NKAIN2: variants seen among roughly 807,000 people sequenced by gnomAD.
NKAIN2 encodes sodium/potassium transporting ATPase interacting 2.
In NKAIN2, 14 loss-of-function variants were observed where a neutral mutation model predicts 32.6. That is an observed-to-expected ratio of 0.43 (90% CI 0.28 to 0.67). NKAIN2 has a LOEUF of 0.67. Among genes scored for constraint, NKAIN2 ranks in the 30% least tolerant of loss-of-function variants. NKAIN2 has a pLI of 0.17. For missense variants in NKAIN2, 198 were observed against 258.3 expected (o/e 0.77, Z 1.60); for synonymous variants, 80 against 87.2 (o/e 0.92, Z 0.46).
At chr6:124,688,976 T>G (rs1439304180) in intron 4 of NKAIN2, among the ~76,000 whole-genome samples, 1 of 152,160 alleles carries the variant, frequency 6.6e-6, no homozygotes, top group Non-Finnish European at 1.5e-5. Flanking sequence ...AGTTTTCAAC[T>G]CATTTGAGTA....
At chr6:123,922,266 A>C (rs754852929) in intron 1 of NKAIN2, among the ~76,000 whole-genome samples, 11 of 152,206 alleles carry the variant, frequency 7.2e-5, no homozygotes, top group Non-Finnish European at 1.5e-4. Flanking sequence ...AATGCTATGT[A>C]GCCTCTAAGA....
chr6:123,996,403 G>C (rs1489710467), intron 1 of NKAIN2, among the ~76,000 whole-genome samples: 2 of 95,188 alleles, frequency 2.1e-5, no homozygotes, highest in African/African-American at 4.9e-5. Flanking sequence ...CAAATAACTA[G>C]GTTATTGTCC....
intron 4 of NKAIN2, among the ~76,000 whole-genome samples, chr6:124,669,040 G>A (rs181864479): frequency 1.5e-4 from 23 of 152,186 alleles, no homozygotes; most frequent in East Asian, 1.2e-3. Context: ...CCCACATCCC[G>A]GCAGTAGTAT....
At chr6:124,358,484 G>A (rs199683245) in intron 3 of NKAIN2, among the ~76,000 whole-genome samples, 27,926 of 151,862 alleles carry the variant, frequency 0.18, 2,985 homozygotes, top group Admixed American at 0.28. Flanking sequence ...GGTGTGAGAT[G>A]GTATCTCATT....
chr6:124,303,512 A>C (rs1018109869), intron 2 of NKAIN2, among the ~76,000 whole-genome samples: 5 of 152,234 alleles, frequency 3.3e-5, no homozygotes, highest in African/African-American at 1.2e-4. Flanking sequence ...CAAAGGCCGT[A>C]ATTTGTGCAA....
intron 4 of NKAIN2, among the ~76,000 whole-genome samples, chr6:124,758,835 T>C (rs2114728648): frequency 6.6e-6 from 1 of 152,272 alleles, no homozygotes; most frequent in South Asian, 2.1e-4. Flanking sequence ...CTACATCACT[T>C]TCTATTCTCT....
intron 1 of NKAIN2, among the ~76,000 whole-genome samples, chr6:124,213,572 A>G (rs942124434): frequency 6.6e-6 from 1 of 152,094 alleles, no homozygotes. Context: ...AGATTGTCAG[A>G]GGGAGAAATC....
chr6:124,375,199 C>G (rs949160360), intron 3 of NKAIN2, among the ~76,000 whole-genome samples: 4 of 151,856 alleles, frequency 2.6e-5, no homozygotes, highest in Admixed American at 6.6e-5. Context: ...ATTATTCTGC[C>G]TAAAACACGT....
chr6:123,895,872 T>C (rs1159614794), intron 1 of NKAIN2, among the ~76,000 whole-genome samples: 4 of 150,848 alleles, frequency 2.7e-5, no homozygotes, highest in Non-Finnish European at 5.9e-5. Context: ...ATAACATTCG[T>C]TCGTCTCCCT....
chr6:124,457,435 C>A (rs1776366025), intron 3 of NKAIN2, among the ~76,000 whole-genome samples: 1 of 151,926 alleles, frequency 6.6e-6, no homozygotes, highest in Admixed American at 6.6e-5. Context: ...ATAAAGATTA[C>A]CTGTGTTGTG....
At chr6:124,557,142 CA>C (rs1780505555) in intron 3 of NKAIN2, among the ~76,000 whole-genome samples, 4 of 152,050 alleles carry the variant, frequency 2.6e-5, no homozygotes. Flanking sequence ...ATAACATTAA[CA>C]TAGGCAAATA....
intron 4 of NKAIN2, among the ~76,000 whole-genome samples, chr6:124,783,983 T>C (rs1312786531): frequency 6.6e-6 from 1 of 152,162 alleles, no homozygotes; most frequent in East Asian, 1.9e-4. Context: ...GGGTAAAAAG[T>C]AGTGTTGCTA....
Position 124,678,780 on chromosome 6 carries a change from G to A in NKAIN2, c.474+20394G>A, listed in dbSNP as rs572796754. 2.7e-3 allele frequency among the ~76,000 whole-genome samples: 410 copies of A among 152,066 alleles called. 5 individuals carry two copies. The highest frequency in any genetic ancestry group is 9.1e-3 in the African/African-American group (376 of 41,484). ...TTCATGTGCCTTGTAACTTTTGTTCGGATTCACACATTTGTCAAAGTAGCC... is the reference window on the plus strand; with the variant it reads ...TTCATGTGCCTTGTAACTTTTGTTCAGATTCACACATTTGTCAAAGTAGCC... On this transcript the variant is annotated intron_variant, in intron 4 of 6. Transcript: ENST00000368417.
At chr6:124,703,015 C>A (rs1368651548) in intron 4 of NKAIN2, among the ~76,000 whole-genome samples, 4 of 151,970 alleles carry the variant, frequency 2.6e-5, no homozygotes, top group African/African-American at 9.7e-5. Flanking sequence ...AGCTCATGTG[C>A]TGGATAGAGT....
At chr6:123,810,029 A>G (rs1248746857) in intron 1 of NKAIN2, among the ~76,000 whole-genome samples, 2 of 152,294 alleles carry the variant, frequency 1.3e-5, no homozygotes, top group Middle Eastern at 3.4e-3. Flanking sequence ...AATAATAATG[A>G]AAACTATTAT....
intron 3 of NKAIN2, among the ~76,000 whole-genome samples, chr6:124,463,173 T>C (rs1776602188): frequency 6.6e-6 from 1 of 152,116 alleles, no homozygotes; most frequent in East Asian, 1.9e-4. Context: ...TGTATGTGTG[T>C]GTGTTCCATT....
intron 4 of NKAIN2, among the ~76,000 whole-genome samples, chr6:124,716,207 TA>T (rs1294397115): frequency 6.6e-6 from 1 of 152,230 alleles, no homozygotes; most frequent in Non-Finnish European, 1.5e-5. Flanking sequence ...TTTTAGATAA[TA>T]GACATTCCTC....
At chr6:124,632,764 G>A (rs998066665) in intron 3 of NKAIN2, among the ~76,000 whole-genome samples, 3 of 152,156 alleles carry the variant, frequency 2.0e-5, no homozygotes, top group African/African-American at 7.2e-5. Context: ...CAAATTCTAA[G>A]CAGTATTGAT....
intron 1 of NKAIN2, among the ~76,000 whole-genome samples, chr6:124,065,111 G>A (rs1246155815): frequency 6.6e-6 from 1 of 152,004 alleles, no homozygotes; most frequent in Non-Finnish European, 1.5e-5. Context: ...GTAACACAAA[G>A]TACAGCCTCT....
Sources: gnomAD v4.1 joint callset for allele counts (sites outside exome capture counted in the v4.1 genomes callset) on GRCh38, gnomAD v4.1.1 for gene constraint, MANE v1.5 for transcripts, NCBI Gene and HGNC (gene_info 2026-07-23, HGNC 2026-07-21) for gene names.